MTPN: variants seen among roughly 807,000 people sequenced by gnomAD.
The protein encoded by MTPN is myotrophin.
MTPN carries 2 observed loss-of-function variants against 13.5 expected under a neutral mutation model. The ratio of observed to expected loss-of-function variants is 0.15; its 90% confidence interval spans 0.06 to 0.47. MTPN has a LOEUF of 0.47. MTPN is among the 20% of genes least tolerant of loss of function. MTPN has a pLI of 0.97. For missense variants in MTPN, 79 were observed against 137.9 expected (o/e 0.57, Z 2.14); for synonymous variants, 46 against 51.7 (o/e 0.89, Z 0.48).
At chr7:135,950,802 A>C in intron 2 of MTPN, 120 bp from the exon 3 acceptor site, 2 of 753,824 alleles carry the variant, frequency 2.7e-6, no homozygotes, top group Non-Finnish European at 4.4e-6. Flanking sequence ...CAATCAATCA[A>C]TCAATCCACA....
chr7:135,972,272 T>C (rs937901584), intron 1 of MTPN, among the ~76,000 whole-genome samples: 4 of 149,192 alleles, frequency 2.7e-5, no homozygotes, highest in African/African-American at 1.0e-4. Context: ...CCATGTAGAT[T>C]CAGACAGTTC....
intron 1 of MTPN, among the ~76,000 whole-genome samples, chr7:135,958,198 C>T (rs1281945090): frequency 2.0e-5 from 3 of 151,994 alleles, no homozygotes; most frequent in African/African-American, 7.3e-5. Context: ...TCTATTCGAT[C>T]AGGTATGTTA....
chr7:135,951,611 G>A lies in MTPN; in HGVS notation c.92C>T (p.Thr31Ile). The A allele has an allele frequency of 6.2e-7, 1 of 1,610,998 alleles. No homozygotes were observed. The highest frequency in any genetic ancestry group is 8.5e-7 in the Non-Finnish European group (1 of 1,178,158). The change falls in exon 2 of 4, where the codon ACA (threonine) becomes ATA (isoleucine). Residue 31 changes from threonine (T) to isoleucine (I), a missense_variant. Thr to Ile is a moderately conservative substitution (Grantham distance 89, BLOSUM62 -1). Coordinates refer to ENST00000393085, the MANE Select transcript of MTPN (RefSeq NM_145808.4). ...YVAKGEDVNR[T>I]LEGGRKPLHY... ...AAGAGGTTTCCTTCCACCTTCTAGT[G>A]TCCGGTTGACATCTTCTCCCTGATA...
At chr7:135,934,428 G>A (rs1799082097) in intron 3 of MTPN, among the ~76,000 whole-genome samples, 1 of 152,190 alleles carries the variant, frequency 6.6e-6, no homozygotes, top group South Asian at 2.1e-4. Context: ...CACAGCAAGT[G>A]GCTTCATATT....
At chr7:135,930,575 G>A (rs530630698) in intron 3 of MTPN, among the ~76,000 whole-genome samples, 12 of 152,284 alleles carry the variant, frequency 7.9e-5, no homozygotes, top group Non-Finnish European at 1.5e-4. Flanking sequence ...ACACCAGACT[G>A]CTCTGAACGC....
chr7:135,944,966 A>G (rs1414660970), intron 3 of MTPN, among the ~76,000 whole-genome samples: 1 of 152,222 alleles, frequency 6.6e-6, no homozygotes, highest in Non-Finnish European at 1.5e-5. Context: ...ATGGCCTACT[A>G]CACACGTAGG....
chr7:135,971,514 A>G (rs1444083468), intron 1 of MTPN, among the ~76,000 whole-genome samples: 1 of 152,240 alleles, frequency 6.6e-6, no homozygotes, highest in Non-Finnish European at 1.5e-5. Context: ...TGAAGTAGTT[A>G]ACAGCATGGG....
chr7:135,962,438 T>C (rs10248688), intron 1 of MTPN, among the ~76,000 whole-genome samples: 43,123 of 151,810 alleles, frequency 0.28, 6,379 homozygotes, highest in African/African-American at 0.31. Flanking sequence ...TGAAAATAAA[T>C]GTTAAAATAT....
At chr7:135,946,108 C>A (rs1394224807) in intron 3 of MTPN, among the ~76,000 whole-genome samples, 1 of 152,186 alleles carries the variant, frequency 6.6e-6, no homozygotes, top group African/African-American at 2.4e-5. Flanking sequence ...AGGGGGACTA[C>A]TGTAAATGAA....
At chr7:135,976,056 A>G (rs140813336) in intron 1 of MTPN, among the ~76,000 whole-genome samples, 1 of 152,326 alleles carries the variant, frequency 6.6e-6, no homozygotes, top group African/African-American at 2.4e-5. Flanking sequence ...TTGTCATAAA[A>G]TTATACTTGT....
At chr7:135,947,730 CATT>C (rs1156770488) in intron 3 of MTPN, among the ~76,000 whole-genome samples, 1 of 151,896 alleles carries the variant, frequency 6.6e-6, no homozygotes, top group Non-Finnish European at 1.5e-5. Context: ...GATTCCATTA[CATT>C]GTATTTGACT....
chr7:135,953,732 C>A (rs1799399021), intron 1 of MTPN, among the ~76,000 whole-genome samples: 1 of 152,118 alleles, frequency 6.6e-6, no homozygotes, highest in Admixed American at 6.5e-5. Context: ...TTTCCAAATT[C>A]CAGCCCACAT....
chr7:135,962,247 T>A (rs1799535419), intron 1 of MTPN, among the ~76,000 whole-genome samples: 1 of 151,730 alleles, frequency 6.6e-6, no homozygotes, highest in Admixed American at 6.6e-5. Flanking sequence ...ATTAATTAGA[T>A]TAGATTAATT....
chr7:135,963,729 A>C (rs1799562191), intron 1 of MTPN, among the ~76,000 whole-genome samples: 1 of 152,156 alleles, frequency 6.6e-6, no homozygotes, highest in Admixed American at 6.6e-5. Flanking sequence ...GAATAACAAT[A>C]CATTTGTTAT....
chr7:135,958,316 T>A (rs1799474127), intron 1 of MTPN, among the ~76,000 whole-genome samples: 2 of 152,186 alleles, frequency 1.3e-5, no homozygotes, highest in South Asian at 4.1e-4. Context: ...TGCATAGCAG[T>A]CTTATTTTAA....
At chr7:135,938,879 G>A (rs1799157374) in intron 3 of MTPN, among the ~76,000 whole-genome samples, 1 of 152,158 alleles carries the variant, frequency 6.6e-6, no homozygotes, top group South Asian at 2.1e-4. Flanking sequence ...AGGCTTCAAG[G>A]AAATCATCAT....
intron 3 of MTPN, among the ~76,000 whole-genome samples, chr7:135,942,599 TA>T (rs1367181825): frequency 6.6e-6 from 1 of 152,228 alleles, no homozygotes; most frequent in African/African-American, 2.4e-5. Context: ...AAAAATATTT[TA>T]TAAGACTACT....
intron 3 of MTPN, among the ~76,000 whole-genome samples, chr7:135,947,106 T>A (rs1799298440): frequency 6.6e-6 from 1 of 152,200 alleles, no homozygotes; most frequent in South Asian, 2.1e-4. Context: ...TTTAAAAACT[T>A]CAGTGTTAAA....
chr7:135,970,019 T>C (rs1175678299), intron 1 of MTPN, among the ~76,000 whole-genome samples: 1 of 152,142 alleles, frequency 6.6e-6, no homozygotes, highest in Non-Finnish European at 1.5e-5. Context: ...AAGAGAGTAA[T>C]GCAGATATAG....
Sources: allele counts gnomAD v4.1 joint callset (sites outside exome capture counted in the v4.1 genomes callset), GRCh38; gene constraint gnomAD v4.1.1; transcripts MANE v1.5; gene names NCBI Gene and HGNC (gene_info 2026-07-23, HGNC 2026-07-21).